KLF12: variants seen among roughly 807,000 people sequenced by gnomAD.
The protein encoded by KLF12 is Krueppel-like factor 12.
A neutral mutation model predicts 37.8 loss-of-function variants in KLF12; 9 were observed. That is an observed-to-expected ratio of 0.24 (90% CI 0.14 to 0.42). The LOEUF (loss-of-function observed/expected upper bound fraction) is 0.42. KLF12 is among the 10% of genes least tolerant of loss of function. The pLI is 1.00. For synonymous variants in KLF12, 208 were observed against 202.1 expected (o/e 1.03, Z -0.25); for missense variants, 411 against 516.0 (o/e 0.80, Z 1.97).
the KLF12 span, among the ~76,000 whole-genome samples, chr13:74,141,851 A>T: frequency 0.011 from 1,710 of 152,306 alleles, 39 homozygotes; most frequent in African/African-American, 0.039. Context: ...TGGAATTTGG[A>T]ACAACCAACT....
chr13:73,736,287 T>C (rs769854479), intron 6 of KLF12, among the ~76,000 whole-genome samples: 4 of 152,216 alleles, frequency 2.6e-5, no homozygotes, highest in South Asian at 2.1e-4. Context: ...AACTGTTTCA[T>C]AGATGAATGA....
rs139657807 is a variant in KLF12 at position 74,106,892 on chromosome 13, A to G, written c.-32+26847T>C. ...GTAAGAAAGTCAGGTCCAATTCAAA[A>G]GAGCTCAAAGGAAAAAAAAAAAATT... On this transcript the variant is annotated intron_variant, in intron 1 of 7. Transcript: ENST00000377669. Among the ~76,000 whole-genome samples, 455 of 152,122 alleles carry G rather than the reference A, an allele frequency of 3.0e-3. 1 individual carries two copies. The highest frequency in any genetic ancestry group is 0.01 in the African/African-American group (434 of 41,398).
At chr13:74,229,142 G>A in the KLF12 span, among the ~76,000 whole-genome samples, 9 of 152,152 alleles carry the variant, frequency 5.9e-5, no homozygotes, top group Admixed American at 3.3e-4. Context: ...TGGATATTGA[G>A]CAAATATAAT....
intron 2 of KLF12, among the ~76,000 whole-genome samples, chr13:73,994,001 A>G (rs1224959581): frequency 6.6e-6 from 1 of 152,246 alleles, no homozygotes; most frequent in East Asian, 1.9e-4. Flanking sequence ...CATTACTGAT[A>G]CCTGCAGAAG....
intron 3 of KLF12, among the ~76,000 whole-genome samples, chr13:73,930,122 C>T (rs1270961376): frequency 6.6e-6 from 1 of 152,086 alleles, no homozygotes; most frequent in Non-Finnish European, 1.5e-5. Flanking sequence ...CCAATAAAGG[C>T]CATAGGTCTC....
At chr13:74,027,393 C>T (rs1380722162) in intron 1 of KLF12, among the ~76,000 whole-genome samples, 1 of 152,168 alleles carries the variant, frequency 6.6e-6, no homozygotes, top group African/African-American at 2.4e-5. Flanking sequence ...GTTCATTCAA[C>T]ATGCATACAT....
At chr13:73,905,340 T>A (rs1218423689) in intron 3 of KLF12, among the ~76,000 whole-genome samples, 1 of 152,062 alleles carries the variant, frequency 6.6e-6, no homozygotes, top group Admixed American at 6.5e-5. Context: ...AGCGCTAACC[T>A]TTTTTATGTT....
intron 6 of KLF12, among the ~76,000 whole-genome samples, chr13:73,736,531 A>C (rs1169288525): frequency 6.6e-6 from 1 of 152,196 alleles, no homozygotes; most frequent in Non-Finnish European, 1.5e-5. Flanking sequence ...ATTTCCATAC[A>C]ATTACCTAGT....
intron 6 of KLF12, among the ~76,000 whole-genome samples, chr13:73,741,287 C>T (rs886770421): frequency 7.2e-5 from 11 of 152,124 alleles, no homozygotes; most frequent in African/African-American, 2.4e-4. Context: ...TGGCAACCCA[C>T]GATGCCGCCC....
the KLF12 span, among the ~76,000 whole-genome samples, chr13:74,149,237 T>G: frequency 6.6e-6 from 1 of 152,238 alleles, no homozygotes; most frequent in South Asian, 2.1e-4. Context: ...TGCACTTAAC[T>G]GTAGATTTAT....
chr13:73,993,948 G>A (rs1399135241), intron 2 of KLF12, among the ~76,000 whole-genome samples: 1 of 152,184 alleles, frequency 6.6e-6, no homozygotes, highest in Non-Finnish European at 1.5e-5. Context: ...TCCTCACTAA[G>A]TGAATGCACC....
At chr13:73,926,676 T>G (rs1362549274) in intron 3 of KLF12, among the ~76,000 whole-genome samples, 3 of 151,934 alleles carry the variant, frequency 2.0e-5, no homozygotes, top group Non-Finnish European at 4.4e-5. Flanking sequence ...AAGGTAGAAC[T>G]TACTTTTCAG....
At chr13:74,013,669 G>A (rs560783042) in intron 1 of KLF12, among the ~76,000 whole-genome samples, 39 of 152,106 alleles carry the variant, frequency 2.6e-4, no homozygotes, top group African/African-American at 9.2e-4. Flanking sequence ...GCCCTTGCAA[G>A]GAGGAATATG....
chr13:73,721,005 C>A (rs77719021), intron 6 of KLF12, among the ~76,000 whole-genome samples: 2 of 152,200 alleles, frequency 1.3e-5, no homozygotes, highest in Non-Finnish European at 2.9e-5. Context: ...AATTCACACA[C>A]GCAATCACAA....
the KLF12 span, among the ~76,000 whole-genome samples, chr13:74,238,410 T>C: frequency 7.2e-6 from 1 of 138,042 alleles, no homozygotes; most frequent in Admixed American, 6.8e-5. Flanking sequence ...TCTTTTTTGG[T>C]TGTGTCTCTG....
At chr13:73,938,457 C>T (rs1457635302) in intron 3 of KLF12, among the ~76,000 whole-genome samples, 2 of 152,114 alleles carry the variant, frequency 1.3e-5, no homozygotes, top group Non-Finnish European at 2.9e-5. Flanking sequence ...TTCAAAAAAG[C>T]ACCCGTCTCC....
chr13:74,116,021 G>A (rs1027245122), intron 1 of KLF12, among the ~76,000 whole-genome samples: 5 of 152,046 alleles, frequency 3.3e-5, no homozygotes, highest in East Asian at 1.9e-4. Flanking sequence ...ACACTCTATC[G>A]CTGCCATACA....
the KLF12 span, among the ~76,000 whole-genome samples, chr13:74,246,668 T>C: frequency 6.6e-6 from 1 of 152,204 alleles, no homozygotes; most frequent in South Asian, 2.1e-4. Context: ...ACCGGACAGA[T>C]GGCAAAGATC....
intron 7 of KLF12, among the ~76,000 whole-genome samples, chr13:73,703,586 C>A (rs759865227): frequency 3.3e-5 from 5 of 152,150 alleles, no homozygotes; most frequent in Non-Finnish European, 5.9e-5. Context: ...AATAATACTG[C>A]ATATTCTCTA....
Sources: gnomAD v4.1 joint callset for allele counts (sites outside exome capture counted in the v4.1 genomes callset) on GRCh38, gnomAD v4.1.1 for gene constraint, MANE v1.5 for transcripts, NCBI Gene and HGNC (gene_info 2026-07-23, HGNC 2026-07-21) for gene names.